PPP2R2C: variants seen among roughly 807,000 people sequenced by gnomAD.
PPP2R2C encodes protein phosphatase 2, regulatory subunit B, gamma.
Under a neutral mutation model 45.3 loss-of-function variants are expected in PPP2R2C, and 10 were observed. The ratio of observed to expected loss-of-function variants is 0.22; its 90% CI spans 0.14 to 0.37. The LOEUF is 0.37. Among genes scored for constraint, PPP2R2C ranks in the 10% least tolerant of loss-of-function variants. PPP2R2C has a pLI of 1.00. For missense variants in PPP2R2C, 308 were observed against 619.7 expected (o/e 0.50, Z 5.34); for synonymous variants, 257 against 245.4 (o/e 1.05, Z -0.44).
chr4:6,380,938 C>A, intron 2 of PPP2R2C, 59 bp downstream of exon 2: 6 of 1,457,318 alleles, frequency 4.1e-6, no homozygotes, highest in Non-Finnish European at 5.4e-6. Flanking sequence ...CCATGCCCGC[C>A]TCCCACCTGA....
Position 6,330,420 on chromosome 4 carries a change from G to A in PPP2R2C, c.961-1067C>T, listed in dbSNP as rs1028151288. 3.9e-5 allele frequency among the ~76,000 whole-genome samples: 6 copies of A among 152,216 alleles called. No homozygotes were observed. The highest frequency in any genetic ancestry group is 1.4e-4 in the African/African-American group (6 of 41,456). On this transcript the variant is annotated intron_variant, in intron 7 of 8. Transcript: ENST00000382599. This position sits in a 1 kb window ranked among gnomAD's most constrained non-coding sequence, Gnocchi z 7.0. Reference sequence around the variant, plus strand: ...GTACCCAGATACTTGGTGTTTCTGTGAAGACATTTTGTAGGGGAGGTTAAC... The same window carrying A: ...GTACCCAGATACTTGGTGTTTCTGTAAAGACATTTTGTAGGGGAGGTTAAC...
At chr4:6,467,729 G>A (rs1286999532) in intron 1 of PPP2R2C, among the ~76,000 whole-genome samples, 1 of 152,166 alleles carries the variant, frequency 6.6e-6, no homozygotes, top group African/African-American at 2.4e-5. Context: ...ACTTGAAAGT[G>A]CACAACGAAA....
intron 1 of PPP2R2C, among the ~76,000 whole-genome samples, chr4:6,404,862 G>A (rs1325111403): frequency 2.6e-5 from 4 of 152,244 alleles, no homozygotes; most frequent in African/African-American, 9.6e-5. Flanking sequence ...TAAGAGGCAG[G>A]CAAGGGAGGG....
rs1411758349 is a variant in PPP2R2C, at chr4:6,348,099, A to T, written c.626-89T>A. ...GGTTTCTGACACCTCTCCCGAGGCAAAACCGTCCACCCTCGCGTCTGAGCT... is the reference window on the plus strand; with the variant it reads ...GGTTTCTGACACCTCTCCCGAGGCATAACCGTCCACCCTCGCGTCTGAGCT... On this transcript the variant is annotated intron_variant, in intron 5 of 8. Coordinates refer to ENST00000382599, the MANE Select transcript of PPP2R2C (RefSeq NM_020416.4). The T allele has an allele frequency of 2.0e-6, 3 of 1,478,400 alleles. No individual in the cohort carries two copies. In the East Asian group the frequency reaches 6.8e-5, roughly 34 times the overall value. The allele number at this position is 1,478,400 out of a possible 1,614,324, so 91.6% of individuals were successfully genotyped here.
intron 2 of PPP2R2C, among the ~76,000 whole-genome samples, chr4:6,513,350 G>A (rs1010068899): frequency 3.9e-5 from 6 of 152,222 alleles, no homozygotes; most frequent in African/African-American, 1.4e-4. Flanking sequence ...TTTTCAAGGA[G>A]CAGTGGTGCT....
At chr4:6,370,975 T>C (rs934798312) in intron 5 of PPP2R2C, among the ~76,000 whole-genome samples, 1 of 152,206 alleles carries the variant, frequency 6.6e-6, no homozygotes, top group Non-Finnish European at 1.5e-5. Context: ...CTCCCAGCTC[T>C]GGGCACTCCA....
chr4:6,383,010 T>G, intron 1 of PPP2R2C: 1 of 1,075,500 alleles, frequency 9.3e-7, no homozygotes, highest in Non-Finnish European at 1.1e-6. Flanking sequence ...ACCCCTCCCA[T>G]GGTGGGCCAG....
At chr4:6,466,852 G>A (rs748790202) in intron 1 of PPP2R2C, among the ~76,000 whole-genome samples, 6 of 152,294 alleles carry the variant, frequency 3.9e-5, no homozygotes, top group African/African-American at 9.6e-5. Flanking sequence ...CTGTGACTGC[G>A]CCAAGCTTTA....
chr4:6,353,229 G>A (rs755462222), intron 5 of PPP2R2C, among the ~76,000 whole-genome samples: 44 of 151,752 alleles, frequency 2.9e-4, no homozygotes, highest in Non-Finnish European at 7.4e-5. Context: ...AAGAGCAGAC[G>A]CAATGCCAGT....
chr4:6,526,204 G>A (rs146090873), intron 2 of PPP2R2C, among the ~76,000 whole-genome samples: 7 of 152,300 alleles, frequency 4.6e-5, no homozygotes, highest in East Asian at 3.9e-4. Flanking sequence ...ATGCACACAC[G>A]TCTCCGTGAA....
intron 1 of PPP2R2C, among the ~76,000 whole-genome samples, chr4:6,393,721 G>A (rs1052134333): frequency 6.6e-6 from 1 of 152,224 alleles, no homozygotes; most frequent in Non-Finnish European, 1.5e-5. Flanking sequence ...CAAGCCAGGT[G>A]GGGCCCGCCC....
chr4:6,475,333 G>C (rs1722106797), upstream of PPP2R2C, among the ~76,000 whole-genome samples: 1 of 152,218 alleles, frequency 6.6e-6, no homozygotes, highest in African/African-American at 2.4e-5. Context: ...CATCTCTCCA[G>C]ATGCTTCTCA....
chr4:6,458,473 T>G (rs1261431500), intron 1 of PPP2R2C, among the ~76,000 whole-genome samples: 1 of 152,156 alleles, frequency 6.6e-6, no homozygotes. Flanking sequence ...ATAAGGGCAC[T>G]AATCCCACCC....
At chr4:6,520,136 G>C (rs989931205) in intron 2 of PPP2R2C, among the ~76,000 whole-genome samples, 2 of 152,116 alleles carry the variant, frequency 1.3e-5, no homozygotes, top group Non-Finnish European at 2.9e-5. Flanking sequence ...TGGCTACAGG[G>C]GGTGAGTGGA....
chr4:6,434,944 A>C (rs947427459), intron 1 of PPP2R2C, among the ~76,000 whole-genome samples: 4 of 151,920 alleles, frequency 2.6e-5, no homozygotes, highest in Admixed American at 2.6e-4. Flanking sequence ...GGGGTTCTTG[A>C]TTTATGAGGA....
At chr4:6,525,972 G>C (rs1052267628) in intron 2 of PPP2R2C, among the ~76,000 whole-genome samples, 3 of 152,302 alleles carry the variant, frequency 2.0e-5, no homozygotes, top group Middle Eastern at 3.4e-3. Context: ...AAAGTGCTGG[G>C]ATTACAGCAC....
rs1314524384 is a variant in PPP2R2C, at chr4:6,332,012, G to T, written c.960+1550C>A. Among the ~76,000 whole-genome samples the T allele has an allele frequency of 1.3e-5, 2 of 152,216 alleles. No homozygotes were observed. The highest frequency in any genetic ancestry group is 6.5e-5 in the Admixed American group (1 of 15,282). On this transcript the variant is annotated intron_variant, in intron 7 of 8. Coordinates refer to ENST00000382599, the MANE Select transcript of PPP2R2C (RefSeq NM_020416.4). The surrounding 1 kb of genome is among the most constrained non-coding windows in gnomAD (Gnocchi z 4.9). Reference sequence around the variant, plus strand: ...AGCTGGGCCAGATGCCAAGTGCCCAGCTTACGGCCTCACGCTCCAGAACAG... The same window carrying T: ...AGCTGGGCCAGATGCCAAGTGCCCATCTTACGGCCTCACGCTCCAGAACAG...
chr4:6,545,723 G>A (rs192533623), intron 1 of PPP2R2C, among the ~76,000 whole-genome samples: 1 of 152,214 alleles, frequency 6.6e-6, no homozygotes, highest in African/African-American at 2.4e-5. Context: ...CTTGTTAGCT[G>A]GGGCACCTCG....
At chr4:6,445,309 A>G (rs938886245) in intron 1 of PPP2R2C, among the ~76,000 whole-genome samples, 1 of 152,248 alleles carries the variant, frequency 6.6e-6, no homozygotes. Context: ...TCTAGCTAAG[A>G]CATGACCTGC....
Sources: allele counts gnomAD v4.1 joint callset (sites outside exome capture counted in the v4.1 genomes callset), GRCh38; gene constraint gnomAD v4.1.1; non-coding constraint Gnocchi (gnomAD v3.1); transcripts MANE v1.5; gene names NCBI Gene and HGNC (gene_info 2026-07-23, HGNC 2026-07-21).